DLG2: variants seen among roughly 807,000 people sequenced by gnomAD.
DLG2 encodes the protein discs large MAGUK scaffold protein 2, also known as disks large homolog 2.
A neutral mutation model predicts 132.5 loss-of-function variants in DLG2; 45 were observed. The ratio of observed to expected loss-of-function variants is 0.34; its 90% CI spans 0.27 to 0.44. DLG2 has a LOEUF of 0.44. Ranked by LOEUF, DLG2 falls within the 20% of genes least tolerant of loss-of-function variation. The pLI, the probability that DLG2 is intolerant of heterozygous loss-of-function variation, is 1.00. For missense variants in DLG2, 1,045 were observed against 1,196.9 expected (o/e 0.87, Z 1.87); for synonymous variants, 424 against 419.6 (o/e 1.01, Z -0.13).
In DLG2 at chr11:84,519,945, G is replaced by T. The variant is rs74965759; in HGVS notation, c.519+14625C>A. 8.6e-3 allele frequency among the ~76,000 whole-genome samples: 1,309 copies of T among 152,228 alleles called. 13 individuals carry two copies. The highest frequency in any genetic ancestry group is 0.034 in the Middle Eastern group (10 of 294). ...TTTGTGGGTATAGTTTTTATCTAGG[G>T]AAAGGGGTCATAGTTTTTCAAATCA... On this transcript the variant is annotated intron_variant, in intron 7 of 27. Coordinates refer to ENST00000376104, the MANE Select transcript of DLG2 (RefSeq NM_001142699.3).
At chr11:83,750,297 T>C (rs944241054) in intron 18 of DLG2, among the ~76,000 whole-genome samples, 8 of 152,184 alleles carry the variant, frequency 5.3e-5, no homozygotes, top group African/African-American at 1.9e-4. Flanking sequence ...CTGAGGCTAA[T>C]GACCACGTAT....
At chr11:85,119,825 T>C (rs891030197) in intron 5 of DLG2, among the ~76,000 whole-genome samples, 10 of 152,042 alleles carry the variant, frequency 6.6e-5, no homozygotes, top group Admixed American at 6.6e-5. Flanking sequence ...TCTGCTACCA[T>C]AGAGACAAAG....
At chr11:83,997,730 C>CAAAAAAAAAAAAAAAAAAA (rs71066079) in intron 11 of DLG2, among the ~76,000 whole-genome samples, 3 of 24,796 alleles carry the variant, frequency 1.2e-4, no homozygotes, top group East Asian at 1.9e-3. Context: ...GACTCCATCT[C>CAAAAAAAAAAAAAAAAAAA]AAAAAAAAAA....
intron 6 of DLG2, among the ~76,000 whole-genome samples, chr11:84,653,516 C>T (rs1453852810): frequency 1.3e-5 from 2 of 152,128 alleles, no homozygotes; most frequent in East Asian, 1.9e-4. Flanking sequence ...ACCTCAGCAT[C>T]GTCTATCCTT....
chr11:84,770,461 C>T (rs1296484884), intron 6 of DLG2, among the ~76,000 whole-genome samples: 5 of 152,038 alleles, frequency 3.3e-5, no homozygotes, highest in East Asian at 1.9e-4. Flanking sequence ...TCCCTCCTCC[C>T]ATCCTCCGCC....
chr11:83,919,290 G>C (rs926734033), intron 15 of DLG2, among the ~76,000 whole-genome samples: 1 of 152,110 alleles, frequency 6.6e-6, no homozygotes, highest in African/African-American at 2.4e-5. Context: ...TTCACTGATG[G>C]TGAGAATAGT....
Position 85,482,050 on chromosome 11 carries a change from T to G in DLG2, c.40+116607A>C, listed in dbSNP as rs900114937. On this transcript the variant is annotated intron_variant, in intron 3 of 27. Transcript: ENST00000376104. ...ATCAGACCCAGCAGAAGACATGACC[T>G]GCAGAATCAGGCTCCAGACCAACCC... 7.3e-5 allele frequency among the ~76,000 whole-genome samples: 11 copies of G among 151,682 alleles called. No homozygotes were observed. In the East Asian group the frequency reaches 1.2e-3, roughly 16 times the overall value.
chr11:84,181,323 C>A (rs2096120935), intron 8 of DLG2, among the ~76,000 whole-genome samples: 1 of 151,004 alleles, frequency 6.6e-6, no homozygotes, highest in Non-Finnish European at 1.5e-5. Flanking sequence ...AATTCTATGG[C>A]AACCATTGAA....
chr11:84,104,448 G>T (rs1005521519), intron 9 of DLG2, among the ~76,000 whole-genome samples: 1 of 152,010 alleles, frequency 6.6e-6, no homozygotes, highest in African/African-American at 2.4e-5. Flanking sequence ...AGGGAAAAAG[G>T]TTAAAAAACT....
intron 19 of DLG2, among the ~76,000 whole-genome samples, chr11:83,603,224 T>TA (rs1367089989): frequency 6.6e-6 from 1 of 152,212 alleles, no homozygotes; most frequent in Non-Finnish European, 1.5e-5. Flanking sequence ...AACAGTGACT[T>TA]AGATTCCCTC....
At chr11:84,200,876 G>C (rs2096583078) in intron 8 of DLG2, among the ~76,000 whole-genome samples, 1 of 152,018 alleles carries the variant, frequency 6.6e-6, no homozygotes, top group African/African-American at 2.4e-5. Context: ...CTAAATATAG[G>C]TTCACTTTTT....
At chr11:83,933,907 T>A (rs73508269) in intron 14 of DLG2, among the ~76,000 whole-genome samples, 3,120 of 152,324 alleles carry the variant, frequency 0.02, 98 homozygotes, top group African/African-American at 0.071. Flanking sequence ...AGAAAAAATT[T>A]TCAGTTAACA....
intron 3 of DLG2, among the ~76,000 whole-genome samples, chr11:85,521,261 C>G (rs1010810569): frequency 1.2e-4 from 19 of 152,154 alleles, no homozygotes; most frequent in African/African-American, 4.3e-4. Flanking sequence ...AGTGAGTTCT[C>G]ACAAGATCTG....
intron 11 of DLG2, among the ~76,000 whole-genome samples, chr11:83,994,899 T>G (rs2093941310): frequency 6.6e-6 from 1 of 152,100 alleles, no homozygotes; most frequent in Non-Finnish European, 1.5e-5. Context: ...TGGCACTCCT[T>G]ATCTCATAGA....
In DLG2 at chr11:84,224,560, A is replaced by G. The variant is rs192091713; in HGVS notation, c.573+26678T>C. On this transcript the variant is annotated intron_variant, in intron 8 of 27. Coordinates refer to ENST00000376104, the MANE Select transcript of DLG2 (RefSeq NM_001142699.3). ...TACTATGTGCCAGGCACTTTTCTCAATATTTTATACATATTAACTGATGTC... is the reference window on the plus strand; with the variant it reads ...TACTATGTGCCAGGCACTTTTCTCAGTATTTTATACATATTAACTGATGTC... Among the ~76,000 whole-genome samples the G allele has an allele frequency of 4.7e-4, 71 of 152,302 alleles. 1 individual carries two copies. The highest frequency in any genetic ancestry group is 4.0e-3 in the Admixed American group (61 of 15,298).
intron 18 of DLG2, among the ~76,000 whole-genome samples, chr11:83,754,187 C>T (rs2093552614): frequency 1.3e-5 from 2 of 150,364 alleles, no homozygotes; most frequent in Admixed American, 6.6e-5. Flanking sequence ...AAATACTTGA[C>T]CCCCGCAAAA....
chr11:85,561,251 G>A (rs1167100079), intron 3 of DLG2, among the ~76,000 whole-genome samples: 4 of 135,820 alleles, frequency 2.9e-5, no homozygotes, highest in African/African-American at 1.1e-4. Context: ...AGGATCTCTT[G>A]AGCCCAGGAG....
intron 16 of DLG2, among the ~76,000 whole-genome samples, chr11:83,846,123 G>A (rs1474373629): frequency 1.3e-5 from 2 of 152,212 alleles, no homozygotes; most frequent in African/African-American, 2.4e-5. Context: ...TGTACAATCT[G>A]AACTAGATCT....
At chr11:85,422,498 G>A (rs1006428114) in intron 3 of DLG2, among the ~76,000 whole-genome samples, 2 of 149,688 alleles carry the variant, frequency 1.3e-5, no homozygotes, top group Non-Finnish European at 3.0e-5. Context: ...AGAGCATTTT[G>A]CATTTTTATA....
Sources: gnomAD v4.1 joint callset for allele counts (sites outside exome capture counted in the v4.1 genomes callset) on GRCh38, gnomAD v4.1.1 for gene constraint, MANE v1.5 for transcripts, NCBI Gene and HGNC (gene_info 2026-07-23, HGNC 2026-07-21) for gene names.